Variants in FOXJ3 observed in about 807,000 individuals in gnomAD.
FOXJ3 encodes the protein forkhead box protein J3.
A neutral mutation model predicts 76.1 loss-of-function variants in FOXJ3; 22 were observed. That is an observed-to-expected ratio of 0.29 (90% CI 0.21 to 0.41). The LOEUF is 0.41. FOXJ3 is among the 10% of genes least tolerant of loss of function. The pLI, the probability that FOXJ3 is intolerant of heterozygous loss-of-function variation, is 1.00. For synonymous variants in FOXJ3, 269 were observed against 261.2 expected, an observed-to-expected ratio of 1.03 and a Z score of -0.29; for missense variants, 613 against 762.1, an observed-to-expected ratio of 0.80 and a Z score of 2.30.
At chr1:42,324,234 A>C in intron 1 of FOXJ3, among the ~76,000 whole-genome samples, 1 of 70,340 alleles carries the variant, frequency 1.4e-5, no homozygotes, top group African/African-American at 4.1e-5. Context: ...CTAGGAATAT[A>C]TACACACTAT....
chr1:42,200,300 T>A (rs1646737586), intron 6 of FOXJ3, among the ~76,000 whole-genome samples: 1 of 152,220 alleles, frequency 6.6e-6, no homozygotes, highest in Non-Finnish European at 1.5e-5. Context: ...ATAAATGGAA[T>A]CACATAGTGT....
At chr1:42,208,834 A>C (rs1646910356) in intron 5 of FOXJ3, among the ~76,000 whole-genome samples, 1 of 152,266 alleles carries the variant, frequency 6.6e-6, no homozygotes, top group South Asian at 2.1e-4. Context: ...AGCTCAGCCT[A>C]ACCTACCTTA....
chr1:42,285,657 T>C (rs1021471414), intron 2 of FOXJ3, among the ~76,000 whole-genome samples: 1 of 152,154 alleles, frequency 6.6e-6, no homozygotes, highest in African/African-American at 2.4e-5. Context: ...CCATTGAGGA[T>C]AGTGGACAAG....
intron 6 of FOXJ3, among the ~76,000 whole-genome samples, chr1:42,201,307 C>G (rs1160537619): frequency 6.6e-6 from 1 of 152,196 alleles, no homozygotes; most frequent in Non-Finnish European, 1.5e-5. Flanking sequence ...AAACATCTTT[C>G]TCTTCTTCCA....
chr1:42,256,814 C>G (rs1650628646), intron 4 of FOXJ3, among the ~76,000 whole-genome samples: 1 of 152,104 alleles, frequency 6.6e-6, no homozygotes, highest in African/African-American at 2.4e-5. Context: ...CTGAAAACAC[C>G]TGAAGTGTTT....
rs1448842142 is a variant in FOXJ3 at position 42,178,639 on chromosome 1, G to A, written c.*1071C>T. 6.6e-6 allele frequency: 1 copy of A among 152,174 alleles called. No homozygotes were observed. The highest frequency in any genetic ancestry group is 2.4e-5 in the African/African-American group (1 of 41,438). 9.4% of individuals were successfully genotyped at this position (152,174 alleles called of 1,614,324 possible). A position where few individuals can be genotyped will look rare whatever the true frequency, so the allele number is the denominator to read the frequency against. Reference sequence around the variant, plus strand: ...ATCTCTACTAAAATACAAAAAATCAGCCAGGCATGGCGGTGTGCACCTGCA... The same window carrying A: ...ATCTCTACTAAAATACAAAAAATCAACCAGGCATGGCGGTGTGCACCTGCA... On this transcript the variant is annotated 3_prime_UTR_variant, in exon 13 of 13. Transcript: ENST00000361346.
chr1:42,307,428 C>T (rs1264490484), intron 2 of FOXJ3, among the ~76,000 whole-genome samples: 1 of 152,226 alleles, frequency 6.6e-6, no homozygotes, highest in Non-Finnish European at 1.5e-5. Context: ...GCCCTATGGG[C>T]AGCAGCTGCC....
At chr1:42,290,991 T>C (rs567803624) in intron 2 of FOXJ3, among the ~76,000 whole-genome samples, 2 of 151,648 alleles carry the variant, frequency 1.3e-5, no homozygotes, top group African/African-American at 4.9e-5. Context: ...AGGACAGACA[T>C]AGATCAACAG....
intron 4 of FOXJ3, among the ~76,000 whole-genome samples, chr1:42,232,761 G>A (rs1648263844): frequency 6.6e-6 from 1 of 152,088 alleles, no homozygotes; most frequent in Non-Finnish European, 1.5e-5. Context: ...TCACTCTGAT[G>A]GTAGTTTCTT....
intron 2 of FOXJ3, among the ~76,000 whole-genome samples, chr1:42,300,264 G>A (rs1654051509): frequency 6.6e-6 from 1 of 152,140 alleles, no homozygotes; most frequent in African/African-American, 2.4e-5. Context: ...ATTGTTAGCT[G>A]CCTTAGAGTT....
intron 11 of FOXJ3, among the ~76,000 whole-genome samples, chr1:42,185,251 A>AT (rs1557616874): frequency 3.3e-5 from 4 of 121,224 alleles, no homozygotes; most frequent in Non-Finnish European, 5.1e-5. Context: ...CAACATACTG[A>AT]ATTTTTTTTT....
intron 1 of FOXJ3, among the ~76,000 whole-genome samples, chr1:42,331,318 G>A (rs1570275943): frequency 6.6e-6 from 1 of 152,090 alleles, no homozygotes; most frequent in Non-Finnish European, 1.5e-5. Context: ...GGAGGCAGAG[G>A]TTGCAGCGAG....
At position 42,178,297 on chromosome 1, in the gene FOXJ3, G is replaced by T. The variant is rs967762746; in HGVS notation, c.*1413C>A. The T allele has an allele frequency of 6.6e-6, 1 of 152,142 alleles. No individual in the cohort carries two copies. The highest frequency in any genetic ancestry group is 1.5e-5 in the Non-Finnish European group (1 of 68,022). 9.4% of individuals were successfully genotyped at this position (152,142 alleles called of 1,614,324 possible). A position where few individuals can be genotyped will look rare whatever the true frequency, so the allele number is the denominator to read the frequency against. On this transcript the variant is annotated 3_prime_UTR_variant, in exon 13 of 13. Transcript: ENST00000361346. ...ACAACCTAGATGAGTGGGGAAACCT[G>T]CTTTAGAAACCCTGCCCTGCTGTTG...
Position 42,191,689 on chromosome 1 carries a change from T to C in FOXJ3, c.965A>G (p.Gln322Arg). Residue 322 changes from glutamine (Q) to arginine (R), a missense_variant, in exon 9 of 13, where the codon CAG becomes CGG. By Grantham distance (43) the Gln-to-Arg change is conservative (BLOSUM62 1). Coordinates refer to ENST00000361346, the MANE Select transcript of FOXJ3 (RefSeq NM_014947.5). ...ATAGGTACATGAAGTGTGGGACTGC[T>C]GGGAAGATTCAGAAGGGATGTTCAT... ...GLMNIPSESS[Q>R]QSHTSCTYQH... The C allele has an allele frequency of 1.2e-6, 2 of 1,613,788 alleles. No homozygotes were observed. Among genetic ancestry groups the C allele is most frequent in the Non-Finnish European group, 1.7e-6 (2 of 1,179,724 alleles).
rs536504776 is a variant in FOXJ3 at position 42,316,107 on chromosome 1, T to C, written c.-17-4997A>G. 7.2e-5 allele frequency among the ~76,000 whole-genome samples: 11 copies of C among 152,308 alleles called. No homozygotes were observed. The East Asian group carries it at 2.1e-3, about 29-fold the overall frequency. Reference sequence around the variant, plus strand: ...TCGCAACACACTAACAGTTGTATAATAACATATTATCTGGGGGCATGGAGT... The same window carrying C: ...TCGCAACACACTAACAGTTGTATAACAACATATTATCTGGGGGCATGGAGT... On this transcript the variant is annotated intron_variant, in intron 1 of 12. Transcript: ENST00000361346.
intron 5 of FOXJ3, among the ~76,000 whole-genome samples, chr1:42,227,573 A>G (rs1464383916): frequency 6.6e-6 from 1 of 152,228 alleles, no homozygotes; most frequent in Admixed American, 6.5e-5. Flanking sequence ...TAGTTGTGTT[A>G]CATAAAACTA....
At position 42,245,112 on chromosome 1, in the gene FOXJ3, G is replaced by A. The variant is rs181510471; in HGVS notation, c.445-17146C>T. ...GGAGAATCGCTTGAACCCAGGAGGC[G>A]AAGGTTGCAGTGAGCCAAGATTGCA... On this transcript the variant is annotated intron_variant, in intron 4 of 12. Transcript: ENST00000361346. Among the ~76,000 whole-genome samples, 302 of 150,160 alleles carry A rather than the reference G, an allele frequency of 2.0e-3. 2 individuals are homozygous for A. Among genetic ancestry groups the A allele is most frequent in the African/African-American group, 7.1e-3 (289 of 40,770 alleles).
chr1:42,228,566 C>A (rs371323377), intron 4 of FOXJ3, among the ~76,000 whole-genome samples: 410 of 130,056 alleles, frequency 3.2e-3, no homozygotes, highest in Non-Finnish European at 3.5e-3. Context: ...TGTGACTCTC[C>A]AAAAAAAAAA....
intron 11 of FOXJ3, among the ~76,000 whole-genome samples, chr1:42,184,271 T>C (rs993249016): frequency 1.3e-5 from 2 of 152,120 alleles, no homozygotes; most frequent in Non-Finnish European, 2.9e-5. Context: ...ATAATGAAAA[T>C]GTAAAACTGA....
Sources: allele counts gnomAD v4.1 joint callset (sites outside exome capture counted in the v4.1 genomes callset), GRCh38; gene constraint gnomAD v4.1.1; transcripts MANE v1.5; gene names NCBI Gene and HGNC (gene_info 2026-07-23, HGNC 2026-07-21).